Variants in TSHZ2 observed in about 807,000 individuals in gnomAD.
The protein encoded by TSHZ2 is teashirt zinc finger homeobox 2, also known as teashirt homolog 2.
TSHZ2 carries 21 observed loss-of-function variants against 74.4 expected under a neutral mutation model. That is an observed-to-expected ratio of 0.28 (90% CI 0.20 to 0.41). The LOEUF is 0.41. Ranked by LOEUF, TSHZ2 falls within the 10% of genes least tolerant of loss-of-function variation. The pLI is 1.00. For missense variants in TSHZ2, 1,244 were observed against 1,293.5 expected, an observed-to-expected ratio of 0.96 and a Z score of 0.59; for synonymous variants, 540 against 515.3, an observed-to-expected ratio of 1.05 and a Z score of -0.65.
At chr20:53,451,038 G>A (rs1984760387) in intron 2 of TSHZ2, among the ~76,000 whole-genome samples, 1 of 151,980 alleles carries the variant, frequency 6.6e-6, no homozygotes, top group Non-Finnish European at 1.5e-5. Flanking sequence ...AAACAGATTG[G>A]AAAACCTTTC....
chr20:53,113,702 C>A (rs550490929), intron 1 of TSHZ2, among the ~76,000 whole-genome samples: 2 of 152,294 alleles, frequency 1.3e-5, no homozygotes, highest in South Asian at 4.1e-4. Context: ...TGTGTCTGAA[C>A]AATAACAAAA....
chr20:53,060,864 A>C (rs1373083416), intron 1 of TSHZ2, among the ~76,000 whole-genome samples: 1 of 152,212 alleles, frequency 6.6e-6, no homozygotes, highest in Non-Finnish European at 1.5e-5. Context: ...CTCAGAAGTC[A>C]GGGCAGGCCT....
intron 1 of TSHZ2, among the ~76,000 whole-genome samples, chr20:53,084,303 T>C (rs1985624518): frequency 6.6e-6 from 1 of 152,334 alleles, no homozygotes; most frequent in East Asian, 1.9e-4. Context: ...TGGAATTATA[T>C]TGTATTAAAG....
At chr20:53,373,746 T>C (rs1981559756) in intron 2 of TSHZ2, among the ~76,000 whole-genome samples, 1 of 152,206 alleles carries the variant, frequency 6.6e-6, no homozygotes. Context: ...GAGGTTTTTA[T>C]AAAGTCAGAG....
chr20:53,466,584 G>A (rs569534462), intron 2 of TSHZ2, among the ~76,000 whole-genome samples: 1 of 152,274 alleles, frequency 6.6e-6, no homozygotes, highest in African/African-American at 2.4e-5. Flanking sequence ...TGCTCTTTTG[G>A]AGTATACGAA....
chr20:53,321,011 G>C (rs1325534464), intron 2 of TSHZ2, among the ~76,000 whole-genome samples: 3 of 152,180 alleles, frequency 2.0e-5, no homozygotes, highest in African/African-American at 4.8e-5. Flanking sequence ...TTTCCATAAA[G>C]TTACTTTTAG....
intron 1 of TSHZ2, among the ~76,000 whole-genome samples, chr20:53,127,082 G>C (rs971509646): frequency 6.6e-6 from 1 of 152,146 alleles, no homozygotes; most frequent in African/African-American, 2.4e-5. Flanking sequence ...AAGAGAGAGC[G>C]AATGAATTAG....
intron 1 of TSHZ2, among the ~76,000 whole-genome samples, chr20:53,085,099 G>C (rs530083102): frequency 1.1e-4 from 17 of 152,026 alleles, no homozygotes; most frequent in African/African-American, 3.9e-4. Flanking sequence ...GGTGGCTCAC[G>C]ACTGTAATCC....
intron 2 of TSHZ2, among the ~76,000 whole-genome samples, chr20:53,300,222 A>T (rs1264396181): frequency 6.6e-6 from 1 of 152,160 alleles, no homozygotes; most frequent in African/African-American, 2.4e-5. Flanking sequence ...GATCTTTAGG[A>T]GAGAGGGAAA....
chr20:53,010,221 T>C (rs1355188766), intron 1 of TSHZ2, among the ~76,000 whole-genome samples: 1 of 152,140 alleles, frequency 6.6e-6, no homozygotes, highest in South Asian at 2.1e-4. Flanking sequence ...CCCTGGAGGA[T>C]GGTTACACAC....
intron 1 of TSHZ2, among the ~76,000 whole-genome samples, chr20:53,020,105 G>A (rs1006041181): frequency 1.3e-5 from 2 of 152,104 alleles, no homozygotes; most frequent in Admixed American, 6.6e-5. Flanking sequence ...GCACTACCAT[G>A]AGAACAGCAT....
At chr20:53,220,243 C>A (rs561606519) in intron 1 of TSHZ2, among the ~76,000 whole-genome samples, 1 of 152,136 alleles carries the variant, frequency 6.6e-6, no homozygotes, top group Admixed American at 6.5e-5. Context: ...GTAATTGGAG[C>A]AAAAAGCTAC....
Position 53,488,240 on chromosome 20 carries a change from C to T in TSHZ2, c.*1105C>T, listed in dbSNP as rs1054281350. ...CTAATTAAGACATCCATTAAAAGCC[C>T]GTTAAAGTTAATTTAACGTAAAAAT... On this transcript the variant is annotated 3_prime_UTR_variant, in exon 3 of 3. Coordinates refer to ENST00000371497, the MANE Select transcript of TSHZ2 (RefSeq NM_173485.6). 8 of 152,168 alleles carry T rather than the reference C, an allele frequency of 5.3e-5. No homozygotes were observed. The highest frequency in any genetic ancestry group is 1.7e-4 in the African/African-American group (7 of 41,498). The allele number at this position is 152,168 out of a possible 1,614,324, so 9.4% of individuals were successfully genotyped here.
intron 2 of TSHZ2, among the ~76,000 whole-genome samples, chr20:53,286,975 C>A (rs1490348330): frequency 6.6e-6 from 1 of 151,568 alleles, no homozygotes; most frequent in Non-Finnish European, 1.5e-5. Context: ...GATGCCAGAC[C>A]AGGACACAGT....
At chr20:52,990,716 A>C (rs1981951278) in intron 1 of TSHZ2, among the ~76,000 whole-genome samples, 2 of 152,230 alleles carry the variant, frequency 1.3e-5, no homozygotes, top group African/African-American at 4.8e-5. Flanking sequence ...AGTTAAACTT[A>C]AGTTAATGCA....
intron 2 of TSHZ2, among the ~76,000 whole-genome samples, chr20:53,459,233 G>A (rs981498821): frequency 6.6e-6 from 1 of 152,140 alleles, no homozygotes; most frequent in African/African-American, 2.4e-5. Flanking sequence ...TTATGAATCT[G>A]GGTGCTCCTG....
At chr20:53,022,971 T>G (rs6022221) in intron 1 of TSHZ2, among the ~76,000 whole-genome samples, 122,695 of 151,970 alleles carry the variant, frequency 0.81, 49,952 homozygotes, top group East Asian at 0.93. Context: ...TCTAAACTGG[T>G]TTTCCAGGAC....
At chr20:53,109,235 T>C (rs1419221337) in intron 1 of TSHZ2, among the ~76,000 whole-genome samples, 2 of 152,208 alleles carry the variant, frequency 1.3e-5, no homozygotes, top group Non-Finnish European at 2.9e-5. Flanking sequence ...AAGGATTAAA[T>C]GAGTTAGAGC....
At chr20:53,076,377 A>G (rs1216997713) in intron 1 of TSHZ2, among the ~76,000 whole-genome samples, 1 of 152,240 alleles carries the variant, frequency 6.6e-6, no homozygotes, top group Non-Finnish European at 1.5e-5. Flanking sequence ...TAATTCATTC[A>G]TTCATTTGTT....
Sources: allele counts gnomAD v4.1 joint callset (sites outside exome capture counted in the v4.1 genomes callset), GRCh38; gene constraint gnomAD v4.1.1; transcripts MANE v1.5; gene names NCBI Gene and HGNC (gene_info 2026-07-23, HGNC 2026-07-21).